The following RPL24 variants were observed in gnomAD, a reference collection of about 807,000 sequenced individuals.
RPL24 encodes the protein ribosomal protein L24.
A neutral mutation model predicts 26.4 loss-of-function variants in RPL24; 7 were observed. The observed-to-expected ratio is 0.27, with a 90% confidence interval of 0.15 to 0.50. The LOEUF (loss-of-function observed/expected upper bound fraction) is 0.50, where lower values mean the gene tolerates loss of function less well. Among genes scored for constraint, RPL24 ranks in the 20% least tolerant of loss-of-function variants. The pLI is 0.98. For missense variants in RPL24, 109 were observed against 194.9 expected (o/e 0.56, Z 2.62); for synonymous variants, 67 against 65.2 (o/e 1.03, Z -0.13).
intron 3 of RPL24, among the ~76,000 whole-genome samples, chr3:101,683,288 T>G (rs971067327): frequency 6.6e-6 from 1 of 152,242 alleles, no homozygotes; most frequent in Admixed American, 6.5e-5. Context: ...GACAATTATT[T>G]GACAGGAGAG....
At position 101,682,418 on chromosome 3, in the gene RPL24, C is replaced by A. The variant is rs1470202132; in HGVS notation, c.393+11G>T. On this transcript the variant is annotated intron_variant, in intron 5 of 5. Transcript: ENST00000394077. ...GTATTGTTCAAGAAAGTAAAGAAAC[C>A]CCATAATTACCTTAGCAGCAGCCAT... is the stretch of plus-strand genomic sequence containing the variant. 8 of 1,607,370 alleles carry A rather than the reference C, an allele frequency of 5.0e-6. No homozygotes were observed. Among genetic ancestry groups the A allele is most frequent in the Non-Finnish European group, 6.0e-6 (7 of 1,173,894 alleles).
At chr3:101,685,026 T>C (rs1937318089) in intron 3 of RPL24, among the ~76,000 whole-genome samples, 2 of 152,052 alleles carry the variant, frequency 1.3e-5, no homozygotes, top group South Asian at 4.1e-4. Context: ...TCAACTGTTT[T>C]AGGGTATAAC....
chr3:101,686,627 C>T (rs1347898300), intron 1 of RPL24, 45 bp downstream of exon 1: 1 of 1,614,098 alleles, frequency 6.2e-7, no homozygotes, highest in African/African-American at 1.3e-5. Context: ...GAGAGGAGTT[C>T]TGCCCGAGGA....
At chr3:101,683,439 G>A (rs138645919) in intron 3 of RPL24, among the ~76,000 whole-genome samples, 28 of 152,260 alleles carry the variant, frequency 1.8e-4, no homozygotes, top group East Asian at 7.7e-4. Context: ...AAGTATATTC[G>A]AATAGTTGTT....
At chr3:101,686,643 G>A (rs754309616) in intron 1 of RPL24, 29 bp downstream of exon 1, 3 of 1,614,248 alleles carry the variant, frequency 1.9e-6, no homozygotes, top group Non-Finnish European at 2.5e-6. Flanking sequence ...GAGGATGTAA[G>A]CGGATTGGGA....
At chr3:101,682,370 C>CA in intron 5 of RPL24, 59 bp downstream of exon 5, 1 of 1,441,770 alleles carries the variant, frequency 6.9e-7, no homozygotes, top group African/African-American at 1.4e-5. Flanking sequence ...GACTCCGTCT[C>CA]AAAAAAAGAA....
In RPL24 at chr3:101,682,460, G is replaced by A; in HGVS notation, c.362C>T (p.Ala121Val). Residue 121 changes from alanine (A) to valine (V), a missense_variant, in exon 5 of 6, where the codon GCA (alanine) becomes GTA (valine). Ala to Val is a moderately conservative substitution (Grantham distance 64). Transcript: ENST00000394077. ...AAKEAKKAKQ[A>V]SKKTAMAAAK... ...AGCAGCCATTGCAGTCTTTTTAGATGCTTGCTTAGCCTTTTTTGCTTCCTT... is the reference window on the plus strand; with the variant it reads ...AGCAGCCATTGCAGTCTTTTTAGATACTTGCTTAGCCTTTTTTGCTTCCTT... 6.2e-7 allele frequency: 1 copy of A among 1,613,994 alleles called. No individual in the cohort carries two copies. Among genetic ancestry groups the A allele is most frequent in the Non-Finnish European group, 8.5e-7 (1 of 1,179,852 alleles).
chr3:101,685,528 T>C (rs2108341113), intron 3 of RPL24, among the ~76,000 whole-genome samples: 1 of 152,328 alleles, frequency 6.6e-6, no homozygotes, highest in East Asian at 1.9e-4. Flanking sequence ...AACCAAATTA[T>C]GGTAACTTCT....
intron 5 of RPL24, 158 bp downstream of exon 5, chr3:101,682,271 C>A: frequency 4.6e-6 from 3 of 650,066 alleles, no homozygotes; most frequent in Non-Finnish European, 8.4e-6. Flanking sequence ...GAGGCTGAGG[C>A]AGGAGTATCA....
chr3:101,684,063 G>A (rs1013934283), intron 3 of RPL24, among the ~76,000 whole-genome samples: 1 of 152,034 alleles, frequency 6.6e-6, no homozygotes, highest in Non-Finnish European at 1.5e-5. Context: ...TATGTTGCCA[G>A]GTTGGTTTCA....
At chr3:101,683,769 C>T (rs1937293720) in intron 3 of RPL24, among the ~76,000 whole-genome samples, 1 of 149,446 alleles carries the variant, frequency 6.7e-6, no homozygotes, top group Non-Finnish European at 1.5e-5. Flanking sequence ...AGTGCAGTGG[C>T]ATGATCTTGG....
chr3:101,685,895 C>A lies in RPL24; in HGVS notation c.115G>T (p.Ala39Ser), dbSNP rs374819398. The change falls in exon 3 of 6, where the codon GCT (alanine) becomes TCT (serine). Residue 39 changes from alanine (A) to serine (S), a missense_variant. Around this residue, in one of 3 missense-constraint regions of RPL24, gnomAD observed 69 missense variants for 96.2 expected, o/e 0.72. Coordinates refer to ENST00000394077, the MANE Select transcript of RPL24 (RefSeq NM_000986.4). ...CGAGGATTCCTCTTGGAAAGGAAAG[C>A]CGACTCGCATTTCGCATTAAGAAAC... ...FQFLNAKCESAFLSKRNPRQI... is the reference protein window; with the variant it reads ...FQFLNAKCESSFLSKRNPRQI... 22 of 1,613,754 alleles carry A rather than the reference C, an allele frequency of 1.4e-5. No individual in the cohort carries two copies. Among genetic ancestry groups the A allele is most frequent in the Non-Finnish European group, 1.9e-5 (22 of 1,179,788 alleles).
Position 101,686,524 on chromosome 3 carries a change from G to A in RPL24, c.39C>T (p.Ile13=). 6.2e-7 allele frequency: 1 copy of A among 1,614,230 alleles called. No individual in the cohort carries two copies. Among genetic ancestry groups the A allele is most frequent in the Non-Finnish European group, 8.5e-7 (1 of 1,180,018 alleles). ...VELCSFSGYK[I]YPGHGRRYAR... ...CGTAGCGCCTCCCGTGTCCGGGGTA[G>A]ATCTTGTACCCGCTAAAACTGCACA... Residue 13 remains isoleucine (I), a synonymous_variant, in exon 2 of 6, where the codon ATC becomes ATT. Transcript: ENST00000394077.
At chr3:101,684,969 C>G (rs894744007) in intron 3 of RPL24, among the ~76,000 whole-genome samples, 2 of 151,630 alleles carry the variant, frequency 1.3e-5, no homozygotes, top group African/African-American at 4.8e-5. Context: ...TGCCACCAAG[C>G]CCGGATTTGC....
rs769386079 is a variant in RPL24 at position 101,682,411 on chromosome 3, A to G, written c.393+18T>C. On this transcript the variant is annotated intron_variant, in intron 5 of 5. Transcript: ENST00000394077. ...TCCTGTTGTATTGTTCAAGAAAGTA[A>G]AGAAACCCCATAATTACCTTAGCAG... The G allele has an allele frequency of 1.2e-6, 2 of 1,602,804 alleles. No individual in the cohort carries two copies. Among genetic ancestry groups the G allele is most frequent in the South Asian group, 2.2e-5 (2 of 90,836 alleles).
At chr3:101,682,394 T>C (rs746875953) in intron 5 of RPL24, 35 bp downstream of exon 5, 1 of 1,554,862 alleles carries the variant, frequency 6.4e-7, no homozygotes, top group Admixed American at 1.7e-5. Flanking sequence ...TTTCCTGTTG[T>C]ATTGTTCAAG....
chr3:101,682,921 A>G lies in RPL24; in HGVS notation c.193-14T>C, dbSNP rs369073116. The G allele has an allele frequency of 1.3e-4, 215 of 1,612,326 alleles. 1 individual carries two copies. The highest frequency in any genetic ancestry group is 1.8e-4 in the Non-Finnish European group (211 of 1,178,952). ...TTGAATTTCTTCCTGCAAAACAAAG[A>G]TGAGGGGCACACTTAGGAACCTTCC... is the stretch of plus-strand genomic sequence containing the variant. On this transcript the variant is annotated splice_polypyrimidine_tract_variant and intron_variant, in intron 3 of 5. Coordinates refer to ENST00000394077, the MANE Select transcript of RPL24 (RefSeq NM_000986.4).
chr3:101,681,446 G>A (rs757252532), intron 5 of RPL24: 70 of 526,384 alleles, frequency 1.3e-4, no homozygotes, highest in Non-Finnish European at 2.2e-4. Context: ...ACACAACCAA[G>A]TGCAGTGTAG....
At chr3:101,682,376 A>G (rs1937275113) in intron 5 of RPL24, 53 bp downstream of exon 5, 3 of 1,477,918 alleles carry the variant, frequency 2.0e-6, no homozygotes, top group Non-Finnish European at 2.8e-6. Context: ...GTCTCAAAAA[A>G]AGAAAATTTT....
Sources: allele counts gnomAD v4.1 joint callset (sites outside exome capture counted in the v4.1 genomes callset), GRCh38; gene constraint gnomAD v4.1.1; regional missense constraint gnomAD v4.1.1; transcripts MANE v1.5; gene names NCBI Gene and HGNC (gene_info 2026-07-23, HGNC 2026-07-21).